The following TDP1 variants were observed in gnomAD, a reference collection of about 807,000 sequenced individuals.
TDP1 encodes tyr-DNA phosphodiesterase 1.
TDP1 carries 64 observed loss-of-function variants against 81.5 expected under a neutral mutation model. The ratio of observed to expected loss-of-function variants is 0.79; its 90% CI spans 0.64 to 0.97. The LOEUF is 0.97. TDP1 is among the 50% of genes least tolerant of loss of function. The pLI, the probability that TDP1 is intolerant of heterozygous loss-of-function variation, is 0.00. For synonymous variants in TDP1, 256 were observed against 264.3 expected (o/e 0.97, Z 0.30); for missense variants, 723 against 743.8 (o/e 0.97, Z 0.33).
chr14:89,966,307 G>A (rs746789297), intron 4 of TDP1, 117 bp downstream of exon 4: 3 of 759,846 alleles, frequency 3.9e-6, no homozygotes, highest in Admixed American at 1.9e-5. Flanking sequence ...CAAAGACTGA[G>A]ATGGCACATA....
chr14:89,992,535 C>T (rs1284685823), intron 13 of TDP1, among the ~76,000 whole-genome samples: 2 of 152,204 alleles, frequency 1.3e-5, no homozygotes, highest in African/African-American at 4.8e-5. Flanking sequence ...CAGGTGTTTG[C>T]TGTGCTGGTT....
At chr14:89,990,839 G>A (rs937858712) in intron 12 of TDP1, among the ~76,000 whole-genome samples, 2 of 128,368 alleles carry the variant, frequency 1.6e-5, no homozygotes, top group African/African-American at 2.9e-5. Context: ...GTGTGGAGAA[G>A]TTCCAGCATG....
intron 14 of TDP1, among the ~76,000 whole-genome samples, chr14:90,015,840 G>C (rs1885247981): frequency 6.6e-6 from 1 of 151,984 alleles, no homozygotes; most frequent in African/African-American, 2.4e-5. Flanking sequence ...GAATTCTGGA[G>C]GACACAAACA....
At chr14:89,997,165 G>A (rs562458805) in intron 14 of TDP1, among the ~76,000 whole-genome samples, 90 of 152,216 alleles carry the variant, frequency 5.9e-4, no homozygotes, top group African/African-American at 2.1e-3. Flanking sequence ...CATTGTCAGC[G>A]TTCTTTCCCT....
At chr14:89,984,753 C>T (rs1206931408) in intron 9 of TDP1, 70 bp downstream of exon 9, 1 of 1,603,732 alleles carries the variant, frequency 6.2e-7, no homozygotes. Flanking sequence ...TGAGGTCTGG[C>T]ATGCAGGGGC....
At chr14:89,987,745 A>G (rs1220585002) in intron 10 of TDP1, among the ~76,000 whole-genome samples, 1 of 152,234 alleles carries the variant, frequency 6.6e-6, no homozygotes, top group Non-Finnish European at 1.5e-5. Flanking sequence ...TTCTAAGCAC[A>G]TAGATGAACT....
intron 6 of TDP1, among the ~76,000 whole-genome samples, chr14:89,975,115 A>G (rs1047390026): frequency 2.6e-5 from 4 of 152,194 alleles, no homozygotes; most frequent in African/African-American, 7.2e-5. Flanking sequence ...TCGCTCTGTC[A>G]CCCAGGCTGG....
In TDP1 at chr14:89,974,091, G is replaced by A. The variant is rs139514331; in HGVS notation, c.757-1690G>A. 7.4e-4 allele frequency among the ~76,000 whole-genome samples: 112 copies of A among 152,236 alleles called. 1 individual carries two copies. Among genetic ancestry groups the A allele is most frequent in the Admixed American group, 1.8e-3 (27 of 15,296 alleles). ...GGGGCTTCAACATATGAATTTGGTG[G>A]GGGACAGAAGTGTTTAGTCTACAAC... is the stretch of plus-strand genomic sequence containing the variant. On this transcript the variant is annotated intron_variant, in intron 6 of 16. Transcript: ENST00000335725.
chr14:90,015,582 T>C (rs1343394020), intron 14 of TDP1, among the ~76,000 whole-genome samples: 1 of 152,196 alleles, frequency 6.6e-6, no homozygotes, highest in Non-Finnish European at 1.5e-5. Flanking sequence ...TATTTCATAG[T>C]TCTAGAGAAT....
At chr14:90,001,766 G>C (rs1897206087) in intron 14 of TDP1, among the ~76,000 whole-genome samples, 1 of 152,046 alleles carries the variant, frequency 6.6e-6, no homozygotes, top group Non-Finnish European at 1.5e-5. Flanking sequence ...ACTTTTTCTA[G>C]CTCAGCAGGC....
intron 14 of TDP1, among the ~76,000 whole-genome samples, chr14:90,006,546 A>AT (rs955230168): frequency 4.7e-5 from 7 of 150,508 alleles, no homozygotes; most frequent in Admixed American, 6.6e-5. Context: ...TGCCTAGCTA[A>AT]TTTTTTTTGA....
intron 14 of TDP1, among the ~76,000 whole-genome samples, chr14:90,001,216 A>C (rs932258783): frequency 6.6e-6 from 1 of 152,220 alleles, no homozygotes; most frequent in Non-Finnish European, 1.5e-5. Flanking sequence ...AATCTTATAA[A>C]AATGCTAGCC....
At chr14:89,971,657 A>G (rs1041270191) in intron 6 of TDP1, among the ~76,000 whole-genome samples, 3 of 151,972 alleles carry the variant, frequency 2.0e-5, no homozygotes, top group Non-Finnish European at 2.9e-5. Context: ...CTTCAGTTTT[A>G]CTCAATGTAG....
chr14:89,965,341 C>T (rs1026079807), intron 3 of TDP1, among the ~76,000 whole-genome samples: 22 of 147,296 alleles, frequency 1.5e-4, no homozygotes, highest in African/African-American at 5.7e-4. Flanking sequence ...GTTCAAACCC[C>T]GACTGTACCC....
At chr14:90,006,128 G>A (rs1402705326) in intron 14 of TDP1, among the ~76,000 whole-genome samples, 10 of 152,178 alleles carry the variant, frequency 6.6e-5, no homozygotes, top group African/African-American at 2.4e-4. Context: ...AAGTGAGGTT[G>A]CAAGTAGATT....
intron 15 of TDP1, 35 bp from the exon 16 acceptor site, chr14:90,033,071 G>C (rs1329879151): frequency 2.1e-6 from 3 of 1,395,904 alleles, no homozygotes; most frequent in Admixed American, 3.4e-5. Context: ...CCAGAAAATG[G>C]GGTGCAATCA....
chr14:90,000,224 G>T (rs1023199864), intron 14 of TDP1, among the ~76,000 whole-genome samples: 1 of 152,180 alleles, frequency 6.6e-6, no homozygotes, highest in African/African-American at 2.4e-5. Context: ...ATCTCAGGAA[G>T]GACCCAACTC....
intron 10 of TDP1, 150 bp from the exon 11 acceptor site, chr14:89,988,755 A>C (rs908482698): frequency 6.7e-7 from 1 of 1,497,348 alleles, no homozygotes; most frequent in Admixed American, 2.3e-5. Context: ...AAGAAGAAGT[A>C]TGTATGTGTG....
chr14:90,037,198 G>A (rs77640030), intron 16 of TDP1, among the ~76,000 whole-genome samples: 3,202 of 152,236 alleles, frequency 0.021, 106 homozygotes, highest in African/African-American at 0.072. Context: ...GTGTGACCTT[G>A]ATTTTGAAGA....
Sources: gnomAD v4.1 joint callset for allele counts (sites outside exome capture counted in the v4.1 genomes callset) on GRCh38, gnomAD v4.1.1 for gene constraint, MANE v1.5 for transcripts, NCBI Gene and HGNC (gene_info 2026-07-23, HGNC 2026-07-21) for gene names.